MED24: variants seen among roughly 807,000 people sequenced by gnomAD.
The protein encoded by MED24 is mediator complex subunit 24.
A neutral mutation model predicts 118.8 loss-of-function variants in MED24; 74 were observed. The observed-to-expected ratio is 0.62, with a 90% CI of 0.52 to 0.76. The LOEUF (loss-of-function observed/expected upper bound fraction) is 0.76. Among genes scored for constraint, MED24 ranks in the 30% least tolerant of loss-of-function variants. The pLI, the probability that MED24 is intolerant of heterozygous loss-of-function variation, is 0.00. For synonymous variants in MED24, 521 were observed against 523.9 expected (o/e 0.99, Z 0.08); for missense variants, 1,041 against 1,278.9 (o/e 0.81, Z 2.84).
intron 14 of MED24, 108 bp from the exon 15 acceptor site, chr17:40,028,054 G>A (rs1184559368): frequency 1.3e-5 from 15 of 1,141,316 alleles, no homozygotes; most frequent in Non-Finnish European, 1.8e-5. Flanking sequence ...TGAGTTACTG[G>A]TTAAACTTAA....
chr17:40,035,119 G>T lies in MED24; in HGVS notation c.557C>A (p.Ala186Asp), dbSNP rs1409083310. ...ALLHIAKLEEASSWTAIEHSL... is the reference protein window; with the variant it reads ...ALLHIAKLEEDSSWTAIEHSL... ...CTCAGGGGAATCAAGGGACATACAG[G>T]CCTCCTCTAGTTTGGCGATGTGCAG... is the stretch of plus-strand genomic sequence containing the variant. Residue 186 changes from alanine to aspartate, a missense_variant and splice_region_variant, in exon 6 of 26, where the codon GCC becomes GAC. This residue lies in a region of MED24 where 434 missense variants were observed against 514.9 expected (regional missense o/e 0.84). Coordinates refer to ENST00000394128, the MANE Select transcript of MED24 (RefSeq NM_014815.4). 6.2e-7 allele frequency: 1 copy of T among 1,614,050 alleles called. No homozygotes were observed. Among genetic ancestry groups the T allele is most frequent in the East Asian group, 2.2e-5 (1 of 44,896 alleles).
intron 3 of MED24, among the ~76,000 whole-genome samples, chr17:40,049,066 G>A (rs938675151): frequency 3.3e-5 from 5 of 152,060 alleles, no homozygotes; most frequent in African/African-American, 9.7e-5. Flanking sequence ...CAGGGACTGA[G>A]CACAGTGGCT....
intron 3 of MED24, among the ~76,000 whole-genome samples, chr17:40,052,207 C>T (rs1418995992): frequency 2.0e-5 from 3 of 152,044 alleles, no homozygotes; most frequent in East Asian, 1.9e-4. Flanking sequence ...GTAGGAGAAT[C>T]GCTTGAACCC....
At chr17:40,028,033 T>G in intron 14 of MED24, 87 bp from the exon 15 acceptor site, 1 of 1,340,800 alleles carries the variant, frequency 7.5e-7, no homozygotes, top group Non-Finnish European at 1.1e-6. Context: ...CAGAGAGCGA[T>G]AGCTAGAGTC....
Position 40,032,347 on chromosome 17 carries a change from G to T in MED24, c.937-257C>A, listed in dbSNP as rs1322700161. 12 of 575,540 alleles carry T rather than the reference G, an allele frequency of 2.1e-5. 1 individual carries two copies. In the East Asian group the frequency reaches 3.2e-4, roughly 15 times the overall value. 35.7% of individuals were successfully genotyped at this position (575,540 alleles called of 1,614,324 possible). ...GAAAAAGATGCCATAAGCAAAAGTG[G>T]ATCCCCAGCTTCAAGGAGGACTGGG... On this transcript the variant is annotated intron_variant, in intron 9 of 25. Transcript: ENST00000394128.
In MED24 at chr17:40,023,487, C is replaced by T. The variant is rs1055395309; in HGVS notation, c.1986-92G>A. The T allele has an allele frequency of 4.6e-6, 6 of 1,314,656 alleles. No individual in the cohort carries two copies. The Admixed American group carries it at 6.9e-5, about 15-fold the overall frequency. 81.4% of individuals were successfully genotyped at this position (1,314,656 alleles called of 1,614,324 possible). On this transcript the variant is annotated intron_variant, in intron 19 of 25. Coordinates refer to ENST00000394128, the MANE Select transcript of MED24 (RefSeq NM_014815.4). The stretch of plus-strand genomic sequence containing the variant: ...CACCCATGCCAGACTTTCCCTTGGA[C>T]TTAGGTTACGGAAATCTCCCTGAGG...
At chr17:40,028,080 T>C in intron 14 of MED24, 134 bp from the exon 15 acceptor site, 1 of 912,072 alleles carries the variant, frequency 1.1e-6, no homozygotes, top group South Asian at 1.4e-5. Flanking sequence ...GACACATTGC[T>C]ATAGAAAAAA....
chr17:40,020,092 A>G, intron 24 of MED24, 159 bp from the exon 25 acceptor site: 1 of 990,462 alleles, frequency 1.0e-6, no homozygotes, highest in East Asian at 2.6e-5. Context: ...GCAATTGGGG[A>G]GGGGAGGAGG....
chr17:40,037,106 G>A (rs1483794683), intron 3 of MED24, among the ~76,000 whole-genome samples: 1 of 152,084 alleles, frequency 6.6e-6, no homozygotes, highest in Non-Finnish European at 1.5e-5. Context: ...GCTTGAGCCT[G>A]GGAGACGGAT....
In MED24 at chr17:40,039,223, C is replaced by T. The variant is rs767536983; in HGVS notation, c.214-3069G>A. 3.3e-5 allele frequency among the ~76,000 whole-genome samples: 5 copies of T among 152,172 alleles called. 1 individual carries two copies. Among genetic ancestry groups the T allele is most frequent in the African/African-American group, 4.8e-5 (2 of 41,434 alleles). On this transcript the variant is annotated intron_variant, in intron 3 of 25. Coordinates refer to ENST00000394128, the MANE Select transcript of MED24 (RefSeq NM_014815.4). ...TTCTGCTAACTGTATCAATAAAGCA[C>T]GGCTACTTCAGAGACCCAAAAATGC...
Position 40,053,595 on chromosome 17 carries a change from T to C in MED24, c.4A>G (p.Lys2Glu). 2 of 1,614,144 alleles carry C rather than the reference T, an allele frequency of 1.2e-6. No individual in the cohort carries two copies. The highest frequency in any genetic ancestry group is 1.7e-6 in the Non-Finnish European group (2 of 1,180,028). The change falls in exon 2 of 26, where the codon AAG (lysine) becomes GAG (glutamate). Residue 2 changes from lysine to glutamate, a missense_variant. Lys to Glu is a moderately conservative substitution (Grantham distance 56). Coordinates refer to ENST00000394128, the MANE Select transcript of MED24 (RefSeq NM_014815.4). M[K>E]VVNLKQAILQ... Reference sequence around the variant, plus strand: ...ATGGCTTGCTTCAGGTTGACCACCTTCATTATTTCACTCTGAGCAGGTGGC... The same window carrying C: ...ATGGCTTGCTTCAGGTTGACCACCTCCATTATTTCACTCTGAGCAGGTGGC...
Position 40,022,791 on chromosome 17 carries a change from C to T in MED24, c.2286G>A (p.Leu762=). Residue 762 remains leucine (L), a synonymous_variant, in exon 21 of 26, where the codon CTG becomes CTA. Transcript: ENST00000394128. ...TGGAGTAGAGCAGCTCCACTGCCCGCAGCGTGTGCTCCTTCCGCGTCTCCT... is the reference window on the plus strand; with the variant it reads ...TGGAGTAGAGCAGCTCCACTGCCCGTAGCGTGTGCTCCTTCCGCGTCTCCT... The part of the protein sequence containing the change: ...LLKETRKEHT[L]RAVELLYSIF... The T allele has an allele frequency of 6.2e-7, 1 of 1,613,750 alleles. No individual in the cohort carries two copies. The highest frequency in any genetic ancestry group is 8.5e-7 in the Non-Finnish European group (1 of 1,179,984).
intron 4 of MED24, 153 bp from the exon 5 acceptor site, chr17:40,035,948 C>T: frequency 9.3e-7 from 1 of 1,075,636 alleles, no homozygotes; most frequent in South Asian, 1.4e-5. Context: ...GGCTCCCAAG[C>T]ACCAGCCCCT....
chr17:40,046,415 A>G (rs1017750310), intron 3 of MED24, among the ~76,000 whole-genome samples: 1 of 149,832 alleles, frequency 6.7e-6, no homozygotes, highest in Non-Finnish European at 1.5e-5. Context: ...AAAAATATAT[A>G]TGTGTCAACT....
intron 10 of MED24, 140 bp downstream of exon 10, chr17:40,031,903 G>T: frequency 2.0e-6 from 2 of 1,002,192 alleles, no homozygotes; most frequent in Non-Finnish European, 3.0e-6. Context: ...CATGCACATT[G>T]TGAAGCACGT....
chr17:40,023,982 T>C (rs572841916), intron 19 of MED24, among the ~76,000 whole-genome samples: 8 of 152,226 alleles, frequency 5.3e-5, no homozygotes, highest in African/African-American at 1.7e-4. Flanking sequence ...TCTGGGAAAG[T>C]TGCTATGACC....
Position 40,035,599 on chromosome 17 carries a change from G to A in MED24, c.326+123C>T, listed in dbSNP as rs138533308. ...GGAGGGCACAGGTAAGTGTAGATGG[G>A]CAGGTGGGGAGAAAAAACGTTGGAA... is the stretch of plus-strand genomic sequence containing the variant. On this transcript the variant is annotated intron_variant, in intron 5 of 25. Transcript: ENST00000394128. 1,489 of 1,028,356 alleles carry A rather than the reference G, an allele frequency of 1.4e-3. 18 individuals are homozygous for A. In the African/African-American group the frequency reaches 0.022, roughly 15 times the overall value. 63.7% of individuals were successfully genotyped at this position (1,028,356 alleles called of 1,614,324 possible).
chr17:40,023,396 CTGG>C lies in MED24; in HGVS notation c.1986-4_1986-2del. 1 of 1,584,044 alleles carries C rather than the reference CTGG, an allele frequency of 6.3e-7. No homozygotes were observed. On this transcript the variant is annotated splice_acceptor_variant and splice_polypyrimidine_tract_variant and intron_variant, in intron 19 of 25. Coordinates refer to ENST00000394128, the MANE Select transcript of MED24 (RefSeq NM_014815.4). LOFTEE classifies it high-confidence loss of function. ...CAGGATCGAGTTCATGATCACCACC[CTGG>C]GGGAGGGCCGAGAGAACCTGAGGCT...
At chr17:40,038,709 C>CAA (rs547061911) in intron 3 of MED24, among the ~76,000 whole-genome samples, 1,035 of 84,298 alleles carry the variant, frequency 0.012, 6 homozygotes, top group African/African-American at 0.044. Flanking sequence ...GACTCCATCT[C>CAA]AAAAAAAAAA....
Sources: allele counts gnomAD v4.1 joint callset (sites outside exome capture counted in the v4.1 genomes callset), GRCh38; gene constraint gnomAD v4.1.1; regional missense constraint gnomAD v4.1.1; transcripts MANE v1.5; gene names NCBI Gene and HGNC (gene_info 2026-07-23, HGNC 2026-07-21).